The following SEMA4F variants were observed in gnomAD, a reference collection of about 807,000 sequenced individuals.
The protein encoded by SEMA4F is ssemaphorin 4F.
SEMA4F carries 51 observed loss-of-function variants against 78.4 expected under a neutral mutation model. The observed-to-expected ratio is 0.65, with a 90% CI of 0.52 to 0.82. SEMA4F has a LOEUF of 0.82. Among genes scored for constraint, SEMA4F ranks in the 40% least tolerant of loss-of-function variants. The pLI is 0.00. For synonymous variants in SEMA4F, 418 were observed against 408.7 expected (o/e 1.02, Z -0.27); for missense variants, 938 against 1,014.4 (o/e 0.92, Z 1.02).
chr2:74,693,229 G>A, the SEMA4F span, among the ~76,000 whole-genome samples: 2 of 152,190 alleles, frequency 1.3e-5, no homozygotes, highest in Admixed American at 6.5e-5. Flanking sequence ...GGATTCTGTT[G>A]CTTGATATTT....
Position 74,679,643 on chromosome 2 carries a change from G to C in SEMA4F, c.1747G>C (p.Val583Leu). 6.2e-7 allele frequency: 1 copy of C among 1,611,336 alleles called. No individual in the cohort carries two copies. Among genetic ancestry groups the C allele is most frequent in the Middle Eastern group, 1.7e-4 (1 of 6,056 alleles). ...AGTTCCCGTGGCTACAGCTGCGCAT[G>C]TGGTCTTGCCATGTTCTCCAAGCTC... is the stretch of plus-strand genomic sequence containing the variant. Reference protein sequence around the residue: ...FEVPVATAAHVVLPCSPSSAW... With the variant: ...FEVPVATAAHLVLPCSPSSAW... The change falls in exon 14 of 14, where the codon GTG becomes CTG. Residue 583 changes from valine (V) to leucine (L), a missense_variant. Coordinates refer to ENST00000357877, the MANE Select transcript of SEMA4F (RefSeq NM_004263.5).
the SEMA4F span, among the ~76,000 whole-genome samples, chr2:74,693,367 TCTTGA>T: frequency 1.3e-5 from 2 of 152,252 alleles, no homozygotes; most frequent in African/African-American, 4.8e-5. Flanking sequence ...CAGAACTCAT[TCTTGA>T]CTTGAACCTG....
chr2:74,675,172 A>G lies in SEMA4F; in HGVS notation c.1160A>G (p.Asn387Ser), dbSNP rs1290017853. 6.2e-6 allele frequency: 10 copies of G among 1,613,996 alleles called. No homozygotes were observed. Among genetic ancestry groups the G allele is most frequent in the Non-Finnish European group, 7.6e-6 (9 of 1,179,970 alleles). The change falls in exon 10 of 14, where the codon AAC becomes AGC. Residue 387 changes from asparagine to serine, a missense_variant. Asn to Ser is a conservative substitution (Grantham distance 46, BLOSUM62 1). Coordinates refer to ENST00000357877, the MANE Select transcript of SEMA4F (RefSeq NM_004263.5). ...PQPRPGECIT[N>S]NMKLRHFGSS... ...CTGTATTTCCTCTAGTGCATCACCAACAACATGAAGCTCCGGCACTTTGGC... is the reference window on the plus strand; with the variant it reads ...CTGTATTTCCTCTAGTGCATCACCAGCAACATGAAGCTCCGGCACTTTGGC...
chr2:74,675,521 CT>C lies in SEMA4F; in HGVS notation c.1373-3del. 6.2e-7 allele frequency: 1 copy of C among 1,613,182 alleles called. No individual in the cohort carries two copies. Among genetic ancestry groups the C allele is most frequent in the African/African-American group, 1.3e-5 (1 of 75,024 alleles). On this transcript the variant is annotated splice_region_variant and splice_polypyrimidine_tract_variant and intron_variant, in intron 10 of 13. Transcript: ENST00000357877. ...ATTATTCTTGTTCCTTTCCTGTCCC[CT>C]AGAGGATGGACACCTCCACCGAGCA...
downstream of SEMA4F, among the ~76,000 whole-genome samples, chr2:74,685,989 G>A (rs969111091): frequency 5.9e-5 from 9 of 152,140 alleles, no homozygotes; most frequent in Non-Finnish European, 1.2e-4. Flanking sequence ...TCAGAGAAAT[G>A]CAAATCAAAA....
At chr2:74,698,112 C>T in the SEMA4F span, among the ~76,000 whole-genome samples, 1 of 152,140 alleles carries the variant, frequency 6.6e-6, no homozygotes, top group East Asian at 1.9e-4. Context: ...TGGGCACATC[C>T]CTTAGGGACC....
chr2:74,670,437 C>T (rs1214814924), intron 5 of SEMA4F, among the ~76,000 whole-genome samples: 2 of 152,190 alleles, frequency 1.3e-5, no homozygotes, highest in East Asian at 1.9e-4. Context: ...CTTGGCTGTT[C>T]CACTCTGAGT....
the SEMA4F span, among the ~76,000 whole-genome samples, chr2:74,698,198 T>C: frequency 2.0e-5 from 3 of 152,234 alleles, no homozygotes; most frequent in Admixed American, 2.0e-4. Flanking sequence ...AATAATCCAG[T>C]TAAATCATGA....
At chr2:74,657,169 C>G (rs1048212568) in intron 2 of SEMA4F, among the ~76,000 whole-genome samples, 1 of 152,138 alleles carries the variant, frequency 6.6e-6, no homozygotes, top group African/African-American at 2.4e-5. Context: ...GATGCTCAAC[C>G]AGTATGTATT....
At position 74,680,013 on chromosome 2, in the gene SEMA4F, C is replaced by A; in HGVS notation, c.2117C>A (p.Pro706His). The A allele has an allele frequency of 6.2e-7, 1 of 1,614,172 alleles. No homozygotes were observed. The highest frequency in any genetic ancestry group is 8.5e-7 in the Non-Finnish European group (1 of 1,180,028). ...GTGGGCCTGGACCTGGGGGCTCCAC[C>A]TTCTGGGACCACAAGCTACAGCCAA... Reference protein sequence around the residue: ...DKVGLDLGAPPSGTTSYSQDP... With the variant: ...DKVGLDLGAPHSGTTSYSQDP... Residue 706 changes from proline to histidine, a missense_variant, in exon 14 of 14, where the codon CCT becomes CAT. Transcript: ENST00000357877.
the SEMA4F span, among the ~76,000 whole-genome samples, chr2:74,703,528 G>A: frequency 6.6e-6 from 1 of 152,190 alleles, no homozygotes; most frequent in Admixed American, 6.5e-5. Context: ...TAGCTGCTGG[G>A]AAGCAGCTTG....
chr2:74,676,833 C>G (rs1393311879), intron 12 of SEMA4F, among the ~76,000 whole-genome samples: 2 of 152,158 alleles, frequency 1.3e-5, no homozygotes, highest in Non-Finnish European at 2.9e-5. Context: ...GAAGCAAATC[C>G]CTGACATTAT....
In SEMA4F at chr2:74,680,040, A is replaced by G. The variant is rs146839395; in HGVS notation, c.2144A>G (p.Asp715Gly). 2,628 of 1,613,334 alleles carry G rather than the reference A, an allele frequency of 1.6e-3. 4 individuals are homozygous for G. The highest frequency in any genetic ancestry group is 2.0e-3 in the Non-Finnish European group (2,332 of 1,179,724). The change falls in exon 14 of 14, where the codon GAC becomes GGC. Residue 715 changes from aspartate (D) to glycine (G), a missense_variant. Physicochemically the swap from Asp to Gly is moderately conservative, Grantham distance 94. Transcript: ENST00000357877. ...PPSGTTSYSQDPPSPSPEDER... is the reference protein window; with the variant it reads ...PPSGTTSYSQGPPSPSPEDER... ...TCTGGGACCACAAGCTACAGCCAAG[A>G]CCCTCCCTCCCCCTCTCCTGAAGAT...
At position 74,680,252 on chromosome 2, in the gene SEMA4F, G is replaced by C; in HGVS notation, c.*43G>C. On this transcript the variant is annotated 3_prime_UTR_variant, in exon 14 of 14. Transcript: ENST00000357877. ...CTAGTGTATAAGTGATCACTGGAAC[G>C]GAGTGACCACTGAGATGCTGGGGGT... is the stretch of plus-strand genomic sequence containing the variant. The C allele has an allele frequency of 6.6e-7, 1 of 1,516,384 alleles. No homozygotes were observed. Among genetic ancestry groups the C allele is most frequent in the Non-Finnish European group, 8.8e-7 (1 of 1,129,982 alleles). The allele number at this position is 1,516,384 out of a possible 1,614,324, so 93.9% of individuals were successfully genotyped here.
chr2:74,676,320 G>A (rs1573261809), intron 12 of SEMA4F, among the ~76,000 whole-genome samples: 1 of 152,084 alleles, frequency 6.6e-6, no homozygotes, highest in Admixed American at 6.5e-5. Context: ...ATTCCTCAGG[G>A]TTCAGTCCTG....
chr2:74,685,871 AAAAT>A (rs1161572113), downstream of SEMA4F, among the ~76,000 whole-genome samples: 1 of 152,162 alleles, frequency 6.6e-6, no homozygotes, highest in African/African-American at 2.4e-5. Context: ...CTACAAGAAA[AAAAT>A]AACCCCATCA....
In SEMA4F at chr2:74,655,580, G is replaced by T. The variant is rs186788756; in HGVS notation, c.146-954G>T. 2.6e-5 allele frequency among the ~76,000 whole-genome samples: 4 copies of T among 152,348 alleles called. No homozygotes were observed. The South Asian group carries it at 6.2e-4, about 24-fold the overall frequency. ...GGATGCTGTGATTCCAGAAGGCGAA[G>T]TTGTGGCCAGAGCCTGGGGTTTCAG... On this transcript the variant is annotated intron_variant, in intron 1 of 13. Transcript: ENST00000357877.
downstream of SEMA4F, among the ~76,000 whole-genome samples, chr2:74,685,661 G>A (rs2105045174): frequency 6.6e-6 from 1 of 152,214 alleles, no homozygotes; most frequent in East Asian, 1.9e-4. Flanking sequence ...AGGGAGGACA[G>A]GATTAAATTG....
Position 74,657,622 on chromosome 2 carries a change from G to T in SEMA4F, c.355G>T (p.Glu119Ter). Residue 119 changes from glutamate to a stop codon, truncating the protein, a stop_gained and splice_region_variant, in exon 3 of 14, where the codon GAG becomes TAG. Coordinates refer to ENST00000357877, the MANE Select transcript of SEMA4F (RefSeq NM_004263.5). LOFTEE classifies it high-confidence loss of function. Reference protein sequence around the residue: ...RQNCRKKGKKEDECHNFVQIL... With the variant: ...RQNCRKKGKK ...GAACTGTAGGAAGAAAGGCAAGAAA[G>T]AGGTAGGTGTAAATCTGAGCCCTGT... The T allele has an allele frequency of 6.2e-7, 1 of 1,614,132 alleles. No homozygotes were observed. The highest frequency in any genetic ancestry group is 1.3e-5 in the African/African-American group (1 of 75,052).
Sources: gnomAD v4.1 joint callset for allele counts (sites outside exome capture counted in the v4.1 genomes callset) on GRCh38, gnomAD v4.1.1 for gene constraint, MANE v1.5 for transcripts, NCBI Gene and HGNC (gene_info 2026-07-23, HGNC 2026-07-21) for gene names.